TBC1D8B: variants seen among roughly 807,000 people sequenced by gnomAD.
TBC1D8B encodes RP11-321G1.1.
TBC1D8B carries 75 observed loss-of-function variants against 82.9 expected under a neutral mutation model. The ratio of observed to expected loss-of-function variants is 0.90; its 90% confidence interval spans 0.75 to 1.10. The LOEUF is 1.10. TBC1D8B is among the 50% of genes least tolerant of loss of function. TBC1D8B has a pLI of 0.00. For missense variants in TBC1D8B, 794 were observed against 796.9 expected (o/e 1.00, Z 0.04); for synonymous variants, 276 against 276.8 (o/e 1.00, Z 0.03).
intron 2 of TBC1D8B, among the ~76,000 whole-genome samples, chrX:106,820,602 G>T (rs147438305): frequency 6.3e-5 from 7 of 111,220 alleles, no homozygotes; most frequent in Non-Finnish European, 1.1e-4. Flanking sequence ...CCAGTTACTA[G>T]CATCTTGTTT....
chrX:106,859,787 G>T (rs1932757206), intron 14 of TBC1D8B, among the ~76,000 whole-genome samples: 1 of 111,586 alleles, frequency 9.0e-6, no homozygotes, highest in African/African-American at 3.3e-5. Context: ...CAAGGGGAAT[G>T]CTTCCAGCTT....
At chrX:106,845,063 G>GTTCTCTAT (rs1283548989) in intron 10 of TBC1D8B, among the ~76,000 whole-genome samples, 9 of 110,332 alleles carry the variant, frequency 8.2e-5, no homozygotes, top group Non-Finnish European at 1.7e-4. Context: ...AAGGTTGATA[G>GTTCTCTAT]TTCTCTATTT....
chrX:106,867,204 A>T (rs1932820663), intron 17 of TBC1D8B, among the ~76,000 whole-genome samples: 1 of 111,818 alleles, frequency 8.9e-6, no homozygotes, highest in Non-Finnish European at 1.9e-5. Flanking sequence ...CTTTAGACAA[A>T]CTGCCAAACC....
intron 14 of TBC1D8B, among the ~76,000 whole-genome samples, chrX:106,854,780 G>C (rs1051354163): frequency 9.0e-6 from 1 of 111,061 alleles, no homozygotes; most frequent in Non-Finnish European, 1.9e-5. Context: ...CCTCCCAAAG[G>C]GTTAGGATTA....
chrX:106,840,265 A>C, intron 9 of TBC1D8B, 67 bp downstream of exon 9: 2 of 1,022,078 alleles, frequency 2.0e-6, no homozygotes, highest in Non-Finnish European at 2.7e-6. Flanking sequence ...GTTATGCCCT[A>C]AGCTAAAGCA....
Position 106,873,866 on chromosome X carries a change from T to C in TBC1D8B, c.3264T>C (p.Asn1088=). 8.3e-7 allele frequency: 1 copy of C among 1,211,691 alleles called. No individual in the cohort carries two copies. The highest frequency in any genetic ancestry group is 1.1e-6 in the Non-Finnish European group (1 of 895,472). ...AFEQILASLL[N]EPALVRFFEK... ...AACAGATTCTTGCATCGCTGTTGAA[T>C]GAACCAGCATTGGTGAGGTTTTTTG... Residue 1088 remains asparagine (N), a synonymous_variant, in exon 21 of 21, where the codon AAT becomes AAC. Transcript: ENST00000357242.
At chrX:106,860,343 GT>G (rs1556360603) in intron 14 of TBC1D8B, among the ~76,000 whole-genome samples, 2 of 22,652 alleles carry the variant, frequency 8.8e-5, no homozygotes, top group East Asian at 9.0e-4. Flanking sequence ...TATGATTGGT[GT>G]GTGTGTGTGT....
chrX:106,814,604 C>T (rs1169259777), intron 1 of TBC1D8B: 1 of 107,679 alleles, frequency 9.3e-6, no homozygotes, highest in Admixed American at 1.0e-4. Context: ...AGTTCTAGAT[C>T]CCTGAGGAAT....
chrX:106,817,826 C>T (rs62605967), intron 1 of TBC1D8B, among the ~76,000 whole-genome samples: 3,491 of 110,822 alleles, frequency 0.032, 55 homozygotes, highest in Middle Eastern at 0.074. Flanking sequence ...ATTAGTTGGA[C>T]TGGACTAGAA....
At position 106,810,063 on chromosome X, in the gene TBC1D8B, G is replaced by A. The variant is rs1436684767; in HGVS notation, c.130+7080G>A. 3.6e-5 allele frequency among the ~76,000 whole-genome samples: 4 copies of A among 111,557 alleles called. No individual in the cohort carries two copies. In the Admixed American group the frequency reaches 3.8e-4, roughly 11 times the overall value. ...TCCATAATGCAGGGAAACCCTCAAA[G>A]CAATTTTCCAAGGCCAGCTGTCTTA... On this transcript the variant is annotated intron_variant, in intron 1 of 20. Coordinates refer to ENST00000357242, the MANE Select transcript of TBC1D8B (RefSeq NM_017752.3).
intron 20 of TBC1D8B, 59 bp from the exon 21 acceptor site, chrX:106,873,511 C>T: frequency 9.2e-7 from 1 of 1,081,144 alleles, no homozygotes; most frequent in Non-Finnish European, 1.2e-6. Flanking sequence ...CTTCTAAGTT[C>T]TCTTTATATT....
Position 106,874,285 on chromosome X carries a change from C to A in TBC1D8B, c.*320C>A, listed in dbSNP as rs1042725199. 23 of 144,744 alleles carry A rather than the reference C, an allele frequency of 1.6e-4. No homozygotes were observed. Among genetic ancestry groups the A allele is most frequent in the African/African-American group, 6.9e-4 (22 of 31,930 alleles). The allele number at this position is 144,744 out of a possible 1,213,427, so 11.9% of individuals were successfully genotyped here. A position where few individuals can be genotyped will look rare whatever the true frequency, so the allele number is the denominator to read the frequency against. On this transcript the variant is annotated 3_prime_UTR_variant, in exon 21 of 21. Transcript: ENST00000357242. ...AGGGGAATATGCTAAATGTTACCAC[C>A]AGAGGGCACAAGCATATCACTTTTA...
rs370734738 is a variant in TBC1D8B at position 106,840,188 on chromosome X, G to T, written c.1494G>T (p.Met498Ile). The T allele has an allele frequency of 4.2e-6, 5 of 1,204,202 alleles. No individual in the cohort carries two copies. Among genetic ancestry groups the T allele is most frequent in the Non-Finnish European group, 5.6e-6 (5 of 892,525 alleles). ...AAACATTAAGAGGAGAACTCTGGATGCTTTTTTCAGGTATTACGTTTATTC... is the reference window on the plus strand; with the variant it reads ...AAACATTAAGAGGAGAACTCTGGATTCTTTTTTCAGGTATTACGTTTATTC... ...IPETLRGELWMLFSGAVNDMA... is the reference protein window; with the variant it reads ...IPETLRGELWILFSGAVNDMA... The change falls in exon 9 of 21, where the codon ATG becomes ATT. Residue 498 changes from methionine (M) to isoleucine (I), a missense_variant. Coordinates refer to ENST00000357242, the MANE Select transcript of TBC1D8B (RefSeq NM_017752.3).
intron 14 of TBC1D8B, among the ~76,000 whole-genome samples, chrX:106,856,225 T>C (rs1374522605): frequency 8.9e-6 from 1 of 111,827 alleles, no homozygotes; most frequent in Non-Finnish European, 1.9e-5. Flanking sequence ...GAAGCTCTTT[T>C]GACTATTAGT....
chrX:106,872,779 A>G (rs1360400314), intron 20 of TBC1D8B, among the ~76,000 whole-genome samples: 1 of 109,822 alleles, frequency 9.1e-6, no homozygotes, highest in Non-Finnish European at 1.9e-5. Context: ...AGATCAGCCC[A>G]GGCAACATAG....
intron 5 of TBC1D8B, among the ~76,000 whole-genome samples, chrX:106,824,551 C>A (rs1931783618): frequency 9.0e-6 from 1 of 111,148 alleles, no homozygotes; most frequent in Admixed American, 9.6e-5. Context: ...GATTAAGAAT[C>A]CTGTTTGTAT....
At chrX:106,872,199 G>A (rs931813105) in intron 20 of TBC1D8B, among the ~76,000 whole-genome samples, 7 of 108,223 alleles carry the variant, frequency 6.5e-5, no homozygotes, top group African/African-American at 2.4e-4. Context: ...GCAGTGAGCC[G>A]AGACTGCACC....
chrX:106,846,867 A>T (rs1932467343), intron 10 of TBC1D8B, among the ~76,000 whole-genome samples: 1 of 112,431 alleles, frequency 8.9e-6, no homozygotes, highest in Non-Finnish European at 1.9e-5. Flanking sequence ...TGAAAAAGAA[A>T]GTTCAACCTC....
chrX:106,811,643 A>G (rs1233296664), intron 1 of TBC1D8B, among the ~76,000 whole-genome samples: 1 of 112,152 alleles, frequency 8.9e-6, no homozygotes, highest in Admixed American at 9.5e-5. Context: ...TCTTCTAAAT[A>G]ATGTTTAAAA....
Sources: allele counts gnomAD v4.1 joint callset (sites outside exome capture counted in the v4.1 genomes callset), GRCh38; gene constraint gnomAD v4.1.1; transcripts MANE v1.5; gene names NCBI Gene and HGNC (gene_info 2026-07-23, HGNC 2026-07-21).